The following CNTNAP2 variants were observed in gnomAD, a reference collection of about 807,000 sequenced individuals.
CNTNAP2 encodes contactin associated protein 2.
Under a neutral mutation model 155.2 loss-of-function variants are expected in CNTNAP2, and 98 were observed. The ratio of observed to expected loss-of-function variants is 0.63; its 90% CI spans 0.54 to 0.75. The LOEUF (loss-of-function observed/expected upper bound fraction) is 0.75. CNTNAP2 is among the 30% of genes least tolerant of loss of function. The pLI is 0.00. For synonymous variants in CNTNAP2, 651 were observed against 631.2 expected (o/e 1.03, Z -0.47); for missense variants, 1,727 against 1,688.1 (o/e 1.02, Z -0.40).
At chr7:148,170,359 G>GCTAA (rs1805759146) in intron 17 of CNTNAP2, among the ~76,000 whole-genome samples, 1 of 152,160 alleles carries the variant, frequency 6.6e-6, no homozygotes, top group South Asian at 2.1e-4. Flanking sequence ...AGCCATAATG[G>GCTAA]CTAAAATAAT....
chr7:146,183,639 T>TAATAATAATAAA (rs1798582141), intron 1 of CNTNAP2, among the ~76,000 whole-genome samples: 1 of 150,364 alleles, frequency 6.7e-6, no homozygotes, highest in African/African-American at 2.5e-5. Flanking sequence ...ATAATAATAA[T>TAATAATAATAAA]AAATGTGTCA....
At chr7:147,098,708 A>G (rs1800594077) in intron 4 of CNTNAP2, among the ~76,000 whole-genome samples, 1 of 152,142 alleles carries the variant, frequency 6.6e-6, no homozygotes, top group Non-Finnish European at 1.5e-5. Flanking sequence ...GTTTTCTAAT[A>G]TAGTTTATTA....
At chr7:147,238,575 A>C (rs773144109) in intron 8 of CNTNAP2, among the ~76,000 whole-genome samples, 11 of 152,114 alleles carry the variant, frequency 7.2e-5, no homozygotes, top group Non-Finnish European at 1.5e-4. Context: ...AGAATCAATA[A>C]ATGTTAGCCA....
chr7:146,984,569 CTAATGTGT>C (rs1294131220), intron 3 of CNTNAP2, among the ~76,000 whole-genome samples: 21 of 152,004 alleles, frequency 1.4e-4, no homozygotes, highest in Admixed American at 1.1e-3. Flanking sequence ...TTTTAGAGAG[CTAATGTGT>C]CCTGTCATTG....
At chr7:147,168,533 C>CT (rs1194423500) in intron 8 of CNTNAP2, among the ~76,000 whole-genome samples, 1 of 152,032 alleles carries the variant, frequency 6.6e-6, no homozygotes, top group Non-Finnish European at 1.5e-5. Flanking sequence ...TTTGATTTCA[C>CT]TTTCTTTCTA....
chr7:147,772,652 C>T (rs1289392476), intron 13 of CNTNAP2, among the ~76,000 whole-genome samples: 2 of 151,708 alleles, frequency 1.3e-5, no homozygotes, highest in African/African-American at 4.8e-5. Context: ...TCAAACATCT[C>T]TGACACCATT....
chr7:146,159,795 A>G (rs1026399956), intron 1 of CNTNAP2, among the ~76,000 whole-genome samples: 1 of 152,144 alleles, frequency 6.6e-6, no homozygotes, highest in African/African-American at 2.4e-5. Flanking sequence ...ATTATGGGAG[A>G]TTTTAACACC....
At chr7:147,780,581 C>G (rs1203365730) in intron 13 of CNTNAP2, among the ~76,000 whole-genome samples, 1 of 152,092 alleles carries the variant, frequency 6.6e-6, no homozygotes, top group Non-Finnish European at 1.5e-5. Context: ...AAATGACATT[C>G]AGGACCAAAA....
chr7:147,277,325 C>T (rs1029867950), intron 8 of CNTNAP2, among the ~76,000 whole-genome samples: 1 of 151,810 alleles, frequency 6.6e-6, no homozygotes, highest in South Asian at 2.1e-4. Flanking sequence ...TCATAATGAG[C>T]CTTTGATGAA....
rs548265631 is a variant in CNTNAP2 at position 146,730,020 on chromosome 7, AT to A, written c.98-44249del. ...TGGCTCTGCTCCTGCTTCATACACAATTAATTGTGAGCCAGCAACGTCTTGC... is the reference window on the plus strand; with the variant it reads ...TGGCTCTGCTCCTGCTTCATACACAATAATTGTGAGCCAGCAACGTCTTGC... On this transcript the variant is annotated intron_variant, in intron 1 of 23. Coordinates refer to ENST00000361727, the MANE Select transcript of CNTNAP2 (RefSeq NM_014141.6). Among the ~76,000 whole-genome samples the A allele has an allele frequency of 1.7e-3, 261 of 152,254 alleles. 1 individual carries two copies. The highest frequency in any genetic ancestry group is 6.0e-3 in the African/African-American group (249 of 41,558).
At chr7:147,039,207 T>TAC (rs66503058) in intron 3 of CNTNAP2, among the ~76,000 whole-genome samples, 1 of 41,082 alleles carries the variant, frequency 2.4e-5, no homozygotes, top group Non-Finnish European at 5.9e-5. Flanking sequence ...TGTGTATGTG[T>TAC]ATATATATAG....
At chr7:146,650,946 G>A (rs182157232) in intron 1 of CNTNAP2, among the ~76,000 whole-genome samples, 236 of 152,186 alleles carry the variant, frequency 1.6e-3, no homozygotes, top group African/African-American at 5.3e-3. Context: ...CTTGAGCCCA[G>A]GAGTTCAAAG....
intron 10 of CNTNAP2, among the ~76,000 whole-genome samples, chr7:147,413,397 G>A (rs1219760688): frequency 6.6e-6 from 1 of 152,140 alleles, no homozygotes; most frequent in African/African-American, 2.4e-5. Context: ...AAAGGAAAAT[G>A]AGAATGTGGT....
intron 4 of CNTNAP2, among the ~76,000 whole-genome samples, chr7:147,104,976 G>A (rs1218491925): frequency 6.8e-6 from 1 of 146,110 alleles, no homozygotes; most frequent in Non-Finnish European, 1.5e-5. Context: ...TAAAATGTAG[G>A]ATATGCACCA....
chr7:147,118,516 A>G lies in CNTNAP2; in HGVS notation c.755-2463A>G, dbSNP rs1043327185. ...TCAATCTATCGATCTAATTAAATAT[A>G]TGCAGTCATGTGTCACTTTAAAATG... is the stretch of plus-strand genomic sequence containing the variant. On this transcript the variant is annotated intron_variant, in intron 5 of 23. Coordinates refer to ENST00000361727, the MANE Select transcript of CNTNAP2 (RefSeq NM_014141.6). Among the ~76,000 whole-genome samples the G allele has an allele frequency of 2.6e-5, 4 of 152,196 alleles. No homozygotes were observed. In the South Asian group the frequency reaches 8.3e-4, roughly 31 times the overall value.
At chr7:147,624,930 A>G (rs1794941152) in intron 12 of CNTNAP2, among the ~76,000 whole-genome samples, 1 of 152,328 alleles carries the variant, frequency 6.6e-6, no homozygotes, top group Middle Eastern at 3.4e-3. Flanking sequence ...CAGCCATAAA[A>G]AGAATGAGAT....
intron 3 of CNTNAP2, among the ~76,000 whole-genome samples, chr7:146,890,426 C>T (rs1437768514): frequency 6.6e-6 from 1 of 152,120 alleles, no homozygotes; most frequent in African/African-American, 2.4e-5. Context: ...CATTTCCAGC[C>T]AGCTTTTCAA....
intron 1 of CNTNAP2, among the ~76,000 whole-genome samples, chr7:146,692,313 C>A (rs1800711793): frequency 6.6e-6 from 1 of 152,100 alleles, no homozygotes; most frequent in Non-Finnish European, 1.5e-5. Flanking sequence ...GACATTTTCC[C>A]TACATAAAAA....
intron 13 of CNTNAP2, among the ~76,000 whole-genome samples, chr7:147,769,929 C>G (rs896415885): frequency 1.3e-5 from 2 of 152,136 alleles, no homozygotes; most frequent in Admixed American, 1.3e-4. Flanking sequence ...ACGTAAATCA[C>G]TTAGTATAGA....
Sources: gnomAD v4.1 joint callset for allele counts (sites outside exome capture counted in the v4.1 genomes callset) on GRCh38, gnomAD v4.1.1 for gene constraint, MANE v1.5 for transcripts, NCBI Gene and HGNC (gene_info 2026-07-23, HGNC 2026-07-21) for gene names.